The following RSRC2 variants were observed in gnomAD, a reference collection of about 807,000 sequenced individuals.
RSRC2 encodes arginine/serine-rich coiled-coil protein 2.
In RSRC2, 5 loss-of-function variants were observed where a neutral mutation model predicts 61.3. The ratio of observed to expected loss-of-function variants is 0.08; its 90% CI spans 0.04 to 0.17. The LOEUF is 0.17. Among genes scored for constraint, RSRC2 ranks in the 10% least tolerant of loss-of-function variants. The pLI, the probability that RSRC2 is intolerant of heterozygous loss-of-function variation, is 1.00. For missense variants in RSRC2, 381 were observed against 518.8 expected (o/e 0.73, Z 2.58); for synonymous variants, 202 against 166.5 (o/e 1.21, Z -1.64).
intron 1 of RSRC2, chr12:122,523,628 T>C (rs960479725): frequency 6.6e-6 from 1 of 152,352 alleles, no homozygotes. Context: ...AGGGAATCGA[T>C]AGTCTTCAGC....
At position 122,504,534 on chromosome 12, in the gene RSRC2, G is replaced by T. The variant is rs1268095841; in HGVS notation, c.*993C>A. 2 of 152,218 alleles carry T rather than the reference G, an allele frequency of 1.3e-5. No homozygotes were observed. The highest frequency in any genetic ancestry group is 4.8e-5 in the African/African-American group (2 of 41,436). The allele number at this position is 152,218 out of a possible 1,614,324, so 9.4% of individuals were successfully genotyped here. A position where few individuals can be genotyped will look rare whatever the true frequency, so the allele number is the denominator to read the frequency against. On this transcript the variant is annotated 3_prime_UTR_variant, in exon 10 of 10. Transcript: ENST00000331738. ...CCAGTTACATGGGAGGTGGAGGTGG[G>T]AGAATTGCTTGAACCTGGGGGGCAG... is the stretch of plus-strand genomic sequence containing the variant.
chr12:122,516,541 C>G (rs1037052953), intron 5 of RSRC2, among the ~76,000 whole-genome samples: 10 of 152,174 alleles, frequency 6.6e-5, no homozygotes, highest in Non-Finnish European at 1.5e-4. Context: ...TCTTTAAGCA[C>G]GACACACTTA....
chr12:122,508,847 T>C (rs567584184), intron 7 of RSRC2, among the ~76,000 whole-genome samples: 38 of 151,800 alleles, frequency 2.5e-4, no homozygotes, highest in African/African-American at 8.9e-4. Flanking sequence ...TCTCAGCTAC[T>C]CGGGAGGCTG....
intron 6 of RSRC2, chr12:122,513,705 C>A: frequency 1.5e-6 from 1 of 685,030 alleles, no homozygotes; most frequent in Non-Finnish European, 1.8e-6. Flanking sequence ...ATTAAAATGG[C>A]CATTGAAGAT....
chr12:122,526,801 C>T (rs1461459286), intron 1 of RSRC2, 47 bp downstream of exon 1: 4 of 1,610,656 alleles, frequency 2.5e-6, no homozygotes, highest in Non-Finnish European at 3.4e-6. Flanking sequence ...ACTGTTGGAA[C>T]GTAGCAGAAA....
intron 6 of RSRC2, chr12:122,513,908 T>G: frequency 1.7e-6 from 1 of 600,618 alleles, no homozygotes; most frequent in Non-Finnish European, 2.1e-6. Flanking sequence ...CAGGCATGCC[T>G]GTGGTCCCAA....
Position 122,505,614 on chromosome 12 carries a change from C to T in RSRC2, c.1218G>A (p.Gln406=), listed in dbSNP as rs768503281. ...QEEVFRNLDA[Q]YEMARSQTHT... ...GGGTTTGTGATCTTGCCATTTCATA[C>T]TGAGCATCTAAATTTCGAAATACTT... Residue 406 remains glutamine (Q), a synonymous_variant, in exon 10 of 10, where the codon CAG becomes CAA. Transcript: ENST00000331738. 9.3e-6 allele frequency: 15 copies of T among 1,613,988 alleles called. No homozygotes were observed. The highest frequency in any genetic ancestry group is 7.7e-5 in the South Asian group (7 of 91,088).
Position 122,505,074 on chromosome 12 carries a change from A to C in RSRC2, c.*453T>G, listed in dbSNP as rs1171354988. On this transcript the variant is annotated 3_prime_UTR_variant, in exon 10 of 10. Transcript: ENST00000331738. Reference sequence around the variant, plus strand: ...CACCAGTTTTGAGAAAACCATTTTTATTATCATTACCACCCAGCTTATCTG... The same window carrying C: ...CACCAGTTTTGAGAAAACCATTTTTCTTATCATTACCACCCAGCTTATCTG... 6.5e-6 allele frequency: 1 copy of C among 152,990 alleles called. No homozygotes were observed. Among genetic ancestry groups the C allele is most frequent in the African/African-American group, 2.4e-5 (1 of 41,464 alleles). 9.5% of individuals were successfully genotyped at this position (152,990 alleles called of 1,614,324 possible).
At chr12:122,508,683 G>A (rs1360707327) in intron 7 of RSRC2, among the ~76,000 whole-genome samples, 3 of 152,212 alleles carry the variant, frequency 2.0e-5, no homozygotes, top group East Asian at 3.9e-4. Flanking sequence ...ATTGCAAGGC[G>A]CAGTGGCTCA....
At chr12:122,509,486 A>C (rs1958339268) in intron 7 of RSRC2, among the ~76,000 whole-genome samples, 1 of 151,884 alleles carries the variant, frequency 6.6e-6, no homozygotes, top group African/African-American at 2.4e-5. Context: ...AAAAAAACCC[A>C]AAAACAACAA....
chr12:122,525,801 GTTTTTTTT>G lies in RSRC2; in HGVS notation c.6+1039_6+1046del, dbSNP rs1169838098. On this transcript the variant is annotated intron_variant, in intron 1 of 9. Coordinates refer to ENST00000331738, the MANE Select transcript of RSRC2 (RefSeq NM_023012.6). ...GTAGCTCCTCTGGGGTCAACGAAGAGTTTTTTTTTTTTTTTTTTTTTTTTTTTTTTTTT... is the reference window on the plus strand; with the variant it reads ...GTAGCTCCTCTGGGGTCAACGAAGAGTTTTTTTTTTTTTTTTTTTTTTTTT... Among the ~76,000 whole-genome samples the G allele has an allele frequency of 1.9e-4, 4 of 21,502 alleles. 1 individual carries two copies. The highest frequency in any genetic ancestry group is 4.7e-3 in the South Asian group (2 of 430). The allele number at this position is 21,502 out of a possible 152,430, so 14.1% of individuals were successfully genotyped here. A position where few individuals can be genotyped will look rare whatever the true frequency, so the allele number is the denominator to read the frequency against.
chr12:122,513,295 G>A (rs1958671908), intron 6 of RSRC2, among the ~76,000 whole-genome samples: 1 of 151,118 alleles, frequency 6.6e-6, no homozygotes, highest in Non-Finnish European at 1.5e-5. Flanking sequence ...GATCTGAAAT[G>A]TATTTCCTAA....
chr12:122,526,879 G>A lies in RSRC2; in HGVS notation c.-26C>T, dbSNP rs777811374. 36 of 1,614,008 alleles carry A rather than the reference G, an allele frequency of 2.2e-5. No individual in the cohort carries two copies. Among genetic ancestry groups the A allele is most frequent in the Non-Finnish European group, 2.9e-5 (34 of 1,179,964 alleles). ...AGTTCAGAGTCCCGGCCGCTAGAGC[G>A]GCGCCTCCACTTGTCGCTTTCAACA... is the stretch of plus-strand genomic sequence containing the variant. On this transcript the variant is annotated 5_prime_UTR_variant, in exon 1 of 10. Coordinates refer to ENST00000331738, the MANE Select transcript of RSRC2 (RefSeq NM_023012.6).
intron 6 of RSRC2, among the ~76,000 whole-genome samples, chr12:122,512,658 G>A (rs1056986449): frequency 6.0e-5 from 9 of 151,222 alleles, no homozygotes; most frequent in African/African-American, 1.9e-4. Context: ...CTTGAACCCA[G>A]GAGGCAGGGG....
At chr12:122,518,164 G>A (rs1194994504) in intron 4 of RSRC2, among the ~76,000 whole-genome samples, 1 of 152,116 alleles carries the variant, frequency 6.6e-6, no homozygotes, top group Non-Finnish European at 1.5e-5. Context: ...GCTGGGTGTG[G>A]TGGCGCATGT....
chr12:122,506,791 C>A, intron 9 of RSRC2, 43 bp downstream of exon 9: 1 of 1,138,916 alleles, frequency 8.8e-7, no homozygotes, highest in Non-Finnish European at 1.3e-6. Context: ...TGCAGGAGGG[C>A]TAATAGCTAA....
intron 3 of RSRC2, chr12:122,520,428 T>A (rs755126190): frequency 5.9e-5 from 51 of 869,108 alleles, no homozygotes; most frequent in Non-Finnish European, 8.1e-5. Context: ...ACTATTAATT[T>A]AAAAAAAACA....
intron 6 of RSRC2, chr12:122,514,492 C>T: frequency 1.7e-6 from 1 of 594,644 alleles, no homozygotes; most frequent in Non-Finnish European, 2.1e-6. Context: ...CTCCCAACTC[C>T]TGACCTCAAG....
intron 6 of RSRC2, among the ~76,000 whole-genome samples, chr12:122,512,868 TAA>T (rs780578802): frequency 6.6e-6 from 1 of 152,038 alleles, no homozygotes; most frequent in African/African-American, 2.4e-5. Flanking sequence ...TCCTTGAGAA[TAA>T]AAGTTTGTAA....
Sources: gnomAD v4.1 joint callset for allele counts (sites outside exome capture counted in the v4.1 genomes callset) on GRCh38, gnomAD v4.1.1 for gene constraint, MANE v1.5 for transcripts, NCBI Gene and HGNC (gene_info 2026-07-23, HGNC 2026-07-21) for gene names.